The following HCFC1 variants were observed in gnomAD, a reference collection of about 807,000 sequenced individuals.
HCFC1 encodes the protein host cell factor 1.
In HCFC1, 7 loss-of-function variants were observed where a neutral mutation model predicts 105.5. The ratio of observed to expected loss-of-function variants is 0.07; its 90% CI spans 0.04 to 0.12. The LOEUF is 0.12. HCFC1 is among the 10% of genes least tolerant of loss of function. HCFC1 has a pLI of 1.00. For missense variants in HCFC1, 1,065 were observed against 1,823.6 expected (o/e 0.58, Z 7.58); for synonymous variants, 918 against 828.1 (o/e 1.11, Z -1.86).
In HCFC1 at chrX:153,970,835, A is replaced by C. The variant is rs782263837; in HGVS notation, c.6T>G (p.Ala2=). 2 of 1,156,815 alleles carry C rather than the reference A, an allele frequency of 1.7e-6. No individual in the cohort carries two copies. Among genetic ancestry groups the C allele is most frequent in the African/African-American group, 1.8e-5 (1 of 54,457 alleles). The change falls in exon 1 of 26, where the codon GCT becomes GCG. Residue 2 remains alanine (A), a synonymous_variant. Coordinates refer to ENST00000310441, the MANE Select transcript of HCFC1 (RefSeq NM_005334.3). ...GCAAGTTGGCGGGCGACACGGCCGA[A>C]GCCATAGTTCCGGGAAAGGGTGCGG... M[A]SAVSPANLPA... is the part of the protein sequence containing the mutation.
intron 1 of HCFC1, chrX:153,969,835 GAC>G (rs2065508668): frequency 8.8e-6 from 1 of 113,008 alleles, no homozygotes; most frequent in Admixed American, 9.3e-5. Flanking sequence ...GAAGCGGGGA[GAC>G]ACACGACTAC....
rs2065292402 is a variant in HCFC1, at chrX:153,949,758, G to C, written c.6005-142C>G. 8.0e-5 allele frequency: 42 copies of C among 522,612 alleles called. No individual in the cohort carries two copies. The South Asian group carries it at 1.2e-3, about 14-fold the overall frequency. The allele number at this position is 522,612 out of a possible 1,213,427, so 43.1% of individuals were successfully genotyped here. ...CAAGGGTGGGGCGCCTGCCCTATGG[G>C]TGGTCACCTTTTACGCCACTCCTTG... On this transcript the variant is annotated intron_variant, in intron 24 of 25. Transcript: ENST00000310441.
At position 153,956,274 on chromosome X, in the gene HCFC1, T is replaced by C; in HGVS notation, c.2773A>G (p.Asn925Asp). ...GCCGACACAGTGATGGCAGTGGGGTTGATCACCTGGCTTGAGAGGGTGGCA... is the reference window on the plus strand; with the variant it reads ...GCCGACACAGTGATGGCAGTGGGGTCGATCACCTGGCTTGAGAGGGTGGCA... Reference protein sequence around the residue: ...TIATLSSQVINPTAITVSAAQ... With the variant: ...TIATLSSQVIDPTAITVSAAQ... Residue 925 changes from asparagine to aspartate, a missense_variant, in exon 16 of 26, where the codon AAC (asparagine) becomes GAC (aspartate). Asn to Asp is a conservative substitution (Grantham distance 23). Coordinates refer to ENST00000310441, the MANE Select transcript of HCFC1 (RefSeq NM_005334.3). 8.2e-7 allele frequency: 1 copy of C among 1,212,422 alleles called. No individual in the cohort carries two copies. The highest frequency in any genetic ancestry group is 1.1e-6 in the Non-Finnish European group (1 of 895,604).
At chrX:153,968,231 G>A (rs1222719233) in intron 1 of HCFC1, among the ~76,000 whole-genome samples, 10 of 111,333 alleles carry the variant, frequency 9.0e-5, no homozygotes, top group African/African-American at 3.3e-4. Context: ...CTAAGGACAA[G>A]CACAGTAGCT....
intron 6 of HCFC1, among the ~76,000 whole-genome samples, chrX:153,960,787 C>A (rs1185821044): frequency 2.7e-5 from 3 of 112,473 alleles, no homozygotes; most frequent in African/African-American, 6.5e-5. Context: ...CTTCAACCAT[C>A]GGCGCCTGGC....
At chrX:153,959,544 A>C in intron 8 of HCFC1, 53 bp from the exon 9 acceptor site, 1 of 1,184,213 alleles carries the variant, frequency 8.4e-7, no homozygotes, top group Non-Finnish European at 1.1e-6. Flanking sequence ...CGATGTCCCC[A>C]GCCCCTTTGC....
chrX:153,954,886 G>A lies in HCFC1; in HGVS notation c.3513C>T (p.Thr1171=), dbSNP rs1557114145. 1.7e-6 allele frequency: 2 copies of A among 1,160,820 alleles called. No individual in the cohort carries two copies. The highest frequency in any genetic ancestry group is 1.1e-6 in the Non-Finnish European group (1 of 874,083). Reference sequence around the variant, plus strand: ...CAGTCATGGTGGTGCTGGTCGCGCTGGTCTGGCGGGTTTGGCACTGGGACT... The same window carrying A: ...CAGTCATGGTGGTGCTGGTCGCGCTAGTCTGGCGGGTTTGGCACTGGGACT... ...GSKSQCQTRQ[T]SATSTTMTVM... is the part of the protein sequence containing the mutation. Residue 1171 remains threonine, a synonymous_variant, in exon 17 of 26, where the codon ACC becomes ACT. Transcript: ENST00000310441.
chrX:153,956,593 G>A, intron 15 of HCFC1, 32 bp downstream of exon 15: 2 of 1,207,856 alleles, frequency 1.7e-6, no homozygotes, highest in Non-Finnish European at 2.2e-6. Context: ...ATAATCTAGG[G>A]GTGGCAGGGG....
intron 3 of HCFC1, among the ~76,000 whole-genome samples, chrX:153,963,734 G>C (rs2065450441): frequency 8.9e-6 from 1 of 112,983 alleles, no homozygotes; most frequent in Admixed American, 9.3e-5. Flanking sequence ...CAGAGCAAGA[G>C]GGGGCGCTGG....
chrX:153,965,467 C>T (rs1252773671), intron 1 of HCFC1, among the ~76,000 whole-genome samples: 1 of 111,338 alleles, frequency 9.0e-6, no homozygotes, highest in Non-Finnish European at 1.9e-5. Context: ...TGGGACCAGG[C>T]CCCTCCCTCA....
chrX:153,951,765 A>AC, intron 20 of HCFC1, 58 bp from the exon 21 acceptor site: 1 of 1,174,292 alleles, frequency 8.5e-7, no homozygotes, highest in Non-Finnish European at 1.1e-6. Context: ...CCCAAGTGAG[A>AC]CCGAGCCTCC....
rs1557116046 is a variant in HCFC1, at chrX:153,959,365, C to T, written c.1571G>A (p.Arg524Gln). 4 of 1,211,112 alleles carry T rather than the reference C, an allele frequency of 3.3e-6. No homozygotes were observed. The highest frequency in any genetic ancestry group is 3.4e-6 in the Non-Finnish European group (3 of 895,164). ...GGCACTCTGTGTTGGCACAACCATC[C>T]GCACTCCGGCGGGAAGGGAGGTCAC... ...VTVTSLPAGV[R>Q]MVVPTQSAQG... The change falls in exon 9 of 26, where the codon CGG becomes CAG. Residue 524 changes from arginine to glutamine, a missense_variant. This residue lies in a region of HCFC1 where 101 missense variants were observed against 155.1 expected (regional missense o/e 0.65). Coordinates refer to ENST00000310441, the MANE Select transcript of HCFC1 (RefSeq NM_005334.3).
At position 153,960,325 on chromosome X, in the gene HCFC1, T is replaced by C; in HGVS notation, c.994A>G (p.Thr332Ala). 8.4e-7 allele frequency: 1 copy of C among 1,188,740 alleles called. No homozygotes were observed. The highest frequency in any genetic ancestry group is 2.3e-5 in the Admixed American group (1 of 42,983). ...CGCCCACTCCAAATGTACAGGCGGG[T>C]GTTGATGGCGACTGCGCAGTGGCCA... ...RAGHCAVAINTRLYIWSGRDG... is the reference protein window; with the variant it reads ...RAGHCAVAINARLYIWSGRDG... Residue 332 changes from threonine to alanine, a missense_variant, in exon 7 of 26, where the codon ACC (threonine) becomes GCC (alanine). This residue lies in a region of HCFC1 where 18 missense variants were observed against 40.1 expected (regional missense o/e 0.45). Coordinates refer to ENST00000310441, the MANE Select transcript of HCFC1 (RefSeq NM_005334.3).
chrX:153,963,977 G>A (rs897069523), intron 3 of HCFC1, 147 bp downstream of exon 3: 4 of 444,169 alleles, frequency 9.0e-6, no homozygotes, highest in South Asian at 1.4e-4. Flanking sequence ...GAGGGCATCC[G>A]GTGCCGCTCT....
rs2065408531 is a variant in HCFC1 at position 153,959,456 on chromosome X, C to G, written c.1480G>C (p.Ala494Pro). The change falls in exon 9 of 26, where the codon GCT becomes CCT. Residue 494 changes from alanine to proline, a missense_variant. By Grantham distance (27) the Ala-to-Pro change is conservative. This residue lies in a region of HCFC1 where 101 missense variants were observed against 155.1 expected (regional missense o/e 0.65). Coordinates refer to ENST00000310441, the MANE Select transcript of HCFC1 (RefSeq NM_005334.3). ...GTGACCAATGGAGTTCCTGTTGTAG[C>G]CTGAGGACCGGTCACTTTGAGAACA... ...PAVLKVTGPQ[A>P]TTGTPLVTMR... 1 of 1,211,537 alleles carries G rather than the reference C, an allele frequency of 8.3e-7. No individual in the cohort carries two copies. Among genetic ancestry groups the G allele is most frequent in the African/African-American group, 1.7e-5 (1 of 57,917 alleles).
At chrX:153,950,196 T>C (rs782230368) in intron 24 of HCFC1, 47 bp downstream of exon 24, 1 of 1,096,796 alleles carries the variant, frequency 9.1e-7, no homozygotes, top group Non-Finnish European at 1.2e-6. Flanking sequence ...TGCACCCGGC[T>C]TCCTGGGCCT....
chrX:153,959,295 C>T (rs374679038), intron 9 of HCFC1, 36 bp downstream of exon 9: 4 of 1,169,949 alleles, frequency 3.4e-6, no homozygotes, highest in East Asian at 6.0e-5. Flanking sequence ...ACTGGATCAA[C>T]AGGAAATCCC....
At chrX:153,969,784 G>A (rs1008725927) in intron 1 of HCFC1, 3 of 113,449 alleles carry the variant, frequency 2.6e-5, no homozygotes, top group African/African-American at 6.4e-5. Context: ...GGGTTTTGCA[G>A]GGAGGCAGAA....
intron 6 of HCFC1, 54 bp downstream of exon 6, chrX:153,961,488 G>A: frequency 6.9e-6 from 6 of 875,074 alleles, no homozygotes; most frequent in Non-Finnish European, 1.0e-5. Context: ...AGGCTGAGAA[G>A]GGCCAGCCTC....
Sources: gnomAD v4.1 joint callset for allele counts (sites outside exome capture counted in the v4.1 genomes callset) on GRCh38, gnomAD v4.1.1 for gene constraint, gnomAD v4.1.1 regional missense constraint, MANE v1.5 for transcripts, NCBI Gene and HGNC (gene_info 2026-07-23, HGNC 2026-07-21) for gene names.